PSCA: variants seen among roughly 807,000 people sequenced by gnomAD.
The protein encoded by PSCA is prostate stem cell antigen.
A neutral mutation model predicts 7.9 loss-of-function variants in PSCA; 7 were observed. The ratio of observed to expected loss-of-function variants is 0.89; its 90% confidence interval spans 0.51 to 1.67. The LOEUF is 1.67. PSCA is among the 40% of genes most tolerant of loss of function. The probability of loss-of-function intolerance (pLI) is 0.00; values close to 1 mark genes in which losing one functional copy is unlikely to be tolerated. For synonymous variants in PSCA, 61 were observed against 68.3 expected (o/e 0.89, Z 0.53); for missense variants, 151 against 147.9 (o/e 1.02, Z -0.11).
chr8:142,672,206 T>C (rs1376612313), intron 1 of PSCA, among the ~76,000 whole-genome samples: 3 of 152,064 alleles, frequency 2.0e-5, no homozygotes, highest in Non-Finnish European at 4.4e-5. Flanking sequence ...TCTCCATCCC[T>C]CATATCCAGA....
chr8:142,678,296 G>A (rs1266505007), upstream of PSCA, among the ~76,000 whole-genome samples: 1 of 152,206 alleles, frequency 6.6e-6, no homozygotes, highest in Non-Finnish European at 1.5e-5. Flanking sequence ...AGCGTCAGGG[G>A]AGAAGGGGCC....
upstream of PSCA, chr8:142,679,931 C>T (rs1398576716): frequency 6.6e-6 from 1 of 152,424 alleles, no homozygotes; most frequent in African/African-American, 2.4e-5. Context: ...AGGTTAACTT[C>T]GGAAAGCCCT....
upstream of PSCA, among the ~76,000 whole-genome samples, chr8:142,677,922 CAG>C (rs1252992211): frequency 6.6e-6 from 1 of 152,154 alleles, no homozygotes; most frequent in African/African-American, 2.4e-5. Flanking sequence ...CTCAGAAGGA[CAG>C]GGGCTGACCT....
chr8:142,680,683 T>C, intron 1 of PSCA, 120 bp downstream of exon 1: 2 of 1,328,862 alleles, frequency 1.5e-6, no homozygotes, highest in Admixed American at 2.0e-5. Flanking sequence ...AGGAAGGGGG[T>C]GAGGCTCTTG....
Position 142,681,978 on chromosome 8 carries a change from A to G in PSCA, c.191A>G (p.Asp64Gly). Reference sequence around the variant, plus strand: ...GGCTGCAGCTTGAACTGCGTGGATGACTCACAGGACTACTACGTGGGCAAG... The same window carrying G: ...GGCTGCAGCTTGAACTGCGTGGATGGCTCACAGGACTACTACGTGGGCAAG... The part of the protein sequence containing the change: ...SKGCSLNCVD[D>G]SQDYYVGKKN... Residue 64 changes from aspartate to glycine, a missense_variant, in exon 3 of 3, where the codon GAC becomes GGC. Coordinates refer to ENST00000301258, the MANE Select transcript of PSCA (RefSeq NM_005672.5). 6.2e-7 allele frequency: 1 copy of G among 1,607,096 alleles called. No homozygotes were observed. The highest frequency in any genetic ancestry group is 1.3e-5 in the African/African-American group (1 of 74,970).
intron 1 of PSCA, 119 bp downstream of exon 1, chr8:142,680,682 G>C: frequency 7.3e-7 from 1 of 1,363,440 alleles, no homozygotes; most frequent in Non-Finnish European, 1.0e-6. Context: ...GAGGAAGGGG[G>C]TGAGGCTCTT....
At chr8:142,675,066 C>A (rs1254537113) in intron 1 of PSCA, among the ~76,000 whole-genome samples, 3 of 152,228 alleles carry the variant, frequency 2.0e-5, no homozygotes, top group Non-Finnish European at 4.4e-5. Flanking sequence ...TTGGGGCAGT[C>A]CCAGCCAGCC....
intron 1 of PSCA, among the ~76,000 whole-genome samples, chr8:142,671,656 ATCC>A (rs1429836919): frequency 6.6e-6 from 1 of 151,970 alleles, no homozygotes; most frequent in Non-Finnish European, 1.5e-5. Context: ...GGCTCAAGGG[ATCC>A]TCCTGCCTCA....
At chr8:142,681,082 C>T in intron 1 of PSCA, 1 of 519,660 alleles carries the variant, frequency 1.9e-6, no homozygotes, top group Non-Finnish European at 3.5e-6. Flanking sequence ...CAGTCACCCC[C>T]ACAGCCGCAG....
At chr8:142,670,682 A>G (rs1178565446) in intron 1 of PSCA, 1 of 152,206 alleles carries the variant, frequency 6.6e-6, no homozygotes, top group Non-Finnish European at 1.5e-5. Flanking sequence ...TGGAGGGTGG[A>G]CTGTGGTGGG....
chr8:142,671,403 C>T (rs1263705908), intron 1 of PSCA, among the ~76,000 whole-genome samples: 13 of 152,188 alleles, frequency 8.5e-5, no homozygotes, highest in Non-Finnish European at 2.9e-5. Context: ...AGCCTGCTGA[C>T]CCCTTGATCT....
chr8:142,675,517 G>T (rs1847389361), upstream of PSCA, among the ~76,000 whole-genome samples: 1 of 152,318 alleles, frequency 6.6e-6, no homozygotes, highest in African/African-American at 2.4e-5. Flanking sequence ...CTCAGGACTT[G>T]GTGGCCCCAA....
Position 142,681,762 on chromosome 8 carries a change from G to A in PSCA, c.134-159G>A, listed in dbSNP as rs587614781. 5.3e-4 allele frequency: 335 copies of A among 632,474 alleles called. No individual in the cohort carries two copies. In the African/African-American group the frequency reaches 5.6e-3, roughly 11 times the overall value. The allele number at this position is 632,474 out of a possible 1,614,324, so 39.2% of individuals were successfully genotyped here. The stretch of plus-strand genomic sequence containing the variant: ...GCCTCGGACATCTGGATAGGGCTGA[G>A]ACCAGGGCCGAGACCAGGCCCTCGC... On this transcript the variant is annotated intron_variant, in intron 2 of 2. Transcript: ENST00000301258.
At chr8:142,680,687 G>T in intron 1 of PSCA, 124 bp downstream of exon 1, 2 of 1,298,412 alleles carry the variant, frequency 1.5e-6, no homozygotes, top group Non-Finnish European at 2.1e-6. Context: ...AGGGGGTGAG[G>T]CTCTTGCCCT....
At chr8:142,680,621 G>C in intron 1 of PSCA, 58 bp downstream of exon 1, 2 of 1,542,830 alleles carry the variant, frequency 1.3e-6, no homozygotes, top group African/African-American at 1.4e-5. Context: ...GGGGAGGCCA[G>C]AGGGATACCT....
upstream of PSCA, among the ~76,000 whole-genome samples, chr8:142,679,330 G>A (rs1847435255): frequency 6.6e-6 from 1 of 152,238 alleles, no homozygotes; most frequent in African/African-American, 2.4e-5. Flanking sequence ...AAAGCACCTA[G>A]CCCAGGGCTC....
At chr8:142,675,120 G>C (rs1233544247) in intron 1 of PSCA, among the ~76,000 whole-genome samples, 4 of 152,252 alleles carry the variant, frequency 2.6e-5, no homozygotes, top group Non-Finnish European at 5.9e-5. Context: ...CATAGCAGGG[G>C]TGGCTGGGGG....
intron 1 of PSCA, chr8:142,681,087 C>T (rs1232970365): frequency 7.7e-6 from 4 of 522,710 alleles, no homozygotes; most frequent in African/African-American, 7.6e-5. Context: ...ACCCCCACAG[C>T]CGCAGCTTCC....
chr8:142,672,746 T>C (rs1222948436), intron 1 of PSCA, among the ~76,000 whole-genome samples: 2 of 152,152 alleles, frequency 1.3e-5, no homozygotes, highest in African/African-American at 2.4e-5. Flanking sequence ...AGCAGCCCTC[T>C]CTTTCGAAAG....
Sources: gnomAD v4.1 joint callset for allele counts (sites outside exome capture counted in the v4.1 genomes callset) on GRCh38, gnomAD v4.1.1 for gene constraint, MANE v1.5 for transcripts, NCBI Gene and HGNC (gene_info 2026-07-23, HGNC 2026-07-21) for gene names.